The following CNBD1 variants were observed in gnomAD, a reference collection of about 807,000 sequenced individuals.
The protein encoded by CNBD1 is cyclic nucleotide binding domain containing 1, also known as cyclic nucleotide-binding domain-containing protein 1.
A neutral mutation model predicts 54.4 loss-of-function variants in CNBD1; 71 were observed. The ratio of observed to expected loss-of-function variants is 1.30; its 90% CI spans 1.08 to 1.59. The LOEUF is 1.59. Ranked by LOEUF, CNBD1 falls within the 40% of genes most tolerant of loss-of-function variation. The pLI is 0.00. For synonymous variants in CNBD1, 182 were observed against 170.7 expected (o/e 1.07, Z -0.51); for missense variants, 659 against 518.0 (o/e 1.27, Z -2.64).
intron 4 of CNBD1, among the ~76,000 whole-genome samples, chr8:87,051,719 T>A (rs1223527272): frequency 2.0e-5 from 3 of 152,202 alleles, no homozygotes. Flanking sequence ...CTTTAAGTGG[T>A]TTTCCACCCT....
chr8:87,323,572 T>A lies in CNBD1; in HGVS notation c.1043-28113T>A, dbSNP rs1018013261. On this transcript the variant is annotated intron_variant, in intron 8 of 10. Transcript: ENST00000518476. ...TTATTCTCTTTGAAGCAATTGTGAA[T>A]GGGAGTTCACTCATGATTTGGCTCT... is the stretch of plus-strand genomic sequence containing the variant. Among the ~76,000 whole-genome samples the A allele has an allele frequency of 4.1e-5, 5 of 123,230 alleles. 1 individual carries two copies. Among genetic ancestry groups the A allele is most frequent in the South Asian group, 2.4e-4 (1 of 4,168 alleles). 80.8% of individuals were successfully genotyped at this position (123,230 alleles called of 152,430 possible). A position where few individuals can be genotyped will look rare whatever the true frequency, so the allele number is the denominator to read the frequency against.
chr8:86,983,703 T>C (rs1029817706), intron 4 of CNBD1, among the ~76,000 whole-genome samples: 4 of 152,154 alleles, frequency 2.6e-5, no homozygotes, highest in Admixed American at 2.6e-4. Context: ...GCTCTAGAGA[T>C]CTGTGGAACT....
In CNBD1 at chr8:87,163,353, T is replaced by C. The variant is rs1812895178; in HGVS notation, c.432-42640T>C. 2.7e-5 allele frequency among the ~76,000 whole-genome samples: 4 copies of C among 147,256 alleles called. No individual in the cohort carries two copies. In the South Asian group the frequency reaches 8.5e-4, roughly 31 times the overall value. ...TTTAGAATTGTTTTTTCCATTTCTG[T>C]AAAAAAAAAAATTAGAATTTTGATA... On this transcript the variant is annotated intron_variant, in intron 4 of 10. Transcript: ENST00000518476. The surrounding 1 kb of genome is among the most constrained non-coding windows in gnomAD (Gnocchi z 4.5).
chr8:87,139,009 A>T (rs932759957), intron 4 of CNBD1, among the ~76,000 whole-genome samples: 1 of 152,208 alleles, frequency 6.6e-6, no homozygotes, highest in African/African-American at 2.4e-5. Flanking sequence ...AGAGAAGAGG[A>T]GATAATTTAG....
At chr8:86,938,932 A>G (rs997759293) in intron 3 of CNBD1, among the ~76,000 whole-genome samples, 7 of 152,208 alleles carry the variant, frequency 4.6e-5, no homozygotes, top group South Asian at 2.1e-4. Flanking sequence ...TTAAAGGTCT[A>G]TTATCAAGAT....
At chr8:87,029,597 G>A (rs1393621203) in intron 4 of CNBD1, among the ~76,000 whole-genome samples, 3 of 151,986 alleles carry the variant, frequency 2.0e-5, no homozygotes, top group South Asian at 2.1e-4. Flanking sequence ...TTAGAAATCT[G>A]GTAATGCCAG....
chr8:87,243,546 T>C (rs1807745466), intron 6 of CNBD1, among the ~76,000 whole-genome samples: 1 of 152,184 alleles, frequency 6.6e-6, no homozygotes, highest in African/African-American at 2.4e-5. Context: ...CCAACATTCT[T>C]CACAGATTCA....
intron 6 of CNBD1, among the ~76,000 whole-genome samples, chr8:87,266,163 T>C (rs549255509): frequency 4.6e-5 from 7 of 151,926 alleles, no homozygotes; most frequent in Non-Finnish European, 7.4e-5. Context: ...TAATGATTTA[T>C]ACATTTCATG....
At position 87,201,285 on chromosome 8, in the gene CNBD1, A is replaced by G. The variant is rs150910363; in HGVS notation, c.432-4708A>G. ...CAGTGGAAAACTCACAGCTAACTTG[A>G]AGAAAGACTGAATGATTTCTGTTGA... On this transcript the variant is annotated intron_variant, in intron 4 of 10. Transcript: ENST00000518476. 4.4e-3 allele frequency among the ~76,000 whole-genome samples: 668 copies of G among 152,314 alleles called. 10 individuals are homozygous for G. Among genetic ancestry groups the G allele is most frequent in the East Asian group, 0.013 (68 of 5,178 alleles).
At chr8:87,246,034 C>A (rs546431204) in intron 6 of CNBD1, among the ~76,000 whole-genome samples, 2 of 151,962 alleles carry the variant, frequency 1.3e-5, no homozygotes, top group Non-Finnish European at 2.9e-5. Flanking sequence ...CCTATTTTAT[C>A]TTCATAAAAT....
At chr8:87,011,526 G>A (rs57830892) in intron 4 of CNBD1, among the ~76,000 whole-genome samples, 4,495 of 152,056 alleles carry the variant, frequency 0.03, 225 homozygotes, top group African/African-American at 0.1. Context: ...GGGGTGTGGG[G>A]CTGTTATCTG....
At chr8:86,886,439 TTATATGATATGATATGGATA>T (rs1808681736) in intron 1 of CNBD1, among the ~76,000 whole-genome samples, 1 of 152,176 alleles carries the variant, frequency 6.6e-6, no homozygotes, top group Non-Finnish European at 1.5e-5. Flanking sequence ...ATGATATGAT[TTATATGATATGATATGGATA>T]TATATGATAT....
intron 5 of CNBD1, among the ~76,000 whole-genome samples, chr8:87,224,709 T>C (rs1040293834): frequency 2.6e-5 from 4 of 151,722 alleles, no homozygotes; most frequent in South Asian, 2.1e-4. Context: ...TGGCTCAGGA[T>C]TGACTTGGCG....
intron 10 of CNBD1, among the ~76,000 whole-genome samples, chr8:87,371,668 C>G (rs1224864101): frequency 1.3e-5 from 2 of 152,004 alleles, no homozygotes; most frequent in Non-Finnish European, 2.9e-5. Flanking sequence ...CCCTGGGATG[C>G]AAGGCTGGTT....
At chr8:87,048,524 G>C (rs887486033) in intron 4 of CNBD1, among the ~76,000 whole-genome samples, 3 of 152,222 alleles carry the variant, frequency 2.0e-5, no homozygotes, top group Admixed American at 2.0e-4. Context: ...AATGTAGATG[G>C]TATTATATGC....
chr8:87,171,780 G>T (rs2130769079), intron 4 of CNBD1, among the ~76,000 whole-genome samples: 1 of 151,728 alleles, frequency 6.6e-6, no homozygotes, highest in South Asian at 2.1e-4. Flanking sequence ...TGGGATTACA[G>T]GTGCCCACCA....
intron 4 of CNBD1, among the ~76,000 whole-genome samples, chr8:87,205,251 C>T (rs973729549): frequency 3.5e-4 from 54 of 152,224 alleles, no homozygotes; most frequent in African/African-American, 1.1e-3. Context: ...CCAGGATAGT[C>T]TTGATCTCCT....
chr8:87,198,466 G>A (rs1813769121), intron 4 of CNBD1, among the ~76,000 whole-genome samples: 1 of 152,114 alleles, frequency 6.6e-6, no homozygotes, highest in Non-Finnish European at 1.5e-5. Flanking sequence ...AATAGCAAAG[G>A]TATCCCATAT....
At chr8:87,351,462 G>C (rs531182824) in intron 8 of CNBD1, among the ~76,000 whole-genome samples, 4 of 152,200 alleles carry the variant, frequency 2.6e-5, no homozygotes, top group Non-Finnish European at 5.9e-5. Context: ...TACTGCCAAA[G>C]TCTTGTCAGT....
Sources: gnomAD v4.1 joint callset for allele counts (sites outside exome capture counted in the v4.1 genomes callset) on GRCh38, gnomAD v4.1.1 for gene constraint, Gnocchi (gnomAD v3.1) non-coding constraint, MANE v1.5 for transcripts, NCBI Gene and HGNC (gene_info 2026-07-23, HGNC 2026-07-21) for gene names.